The following TSPAN5 variants were observed in gnomAD, a reference collection of about 807,000 sequenced individuals.
The protein encoded by TSPAN5 is tetraspanin 5.
Under a neutral mutation model 37.1 loss-of-function variants are expected in TSPAN5, and 10 were observed. That is an observed-to-expected ratio of 0.27 (90% CI 0.17 to 0.46). The LOEUF (loss-of-function observed/expected upper bound fraction) is 0.46. TSPAN5 is among the 20% of genes least tolerant of loss of function. The pLI is 1.00. For synonymous variants in TSPAN5, 110 were observed against 118.9 expected (o/e 0.93, Z 0.48); for missense variants, 195 against 326.6 (o/e 0.60, Z 3.11).
chr4:98,495,305 G>A (rs1753176650), intron 2 of TSPAN5, among the ~76,000 whole-genome samples: 1 of 152,186 alleles, frequency 6.6e-6, no homozygotes, highest in African/African-American at 2.4e-5. Flanking sequence ...CGAGGCGGGT[G>A]GATCAAGAGG....
intron 1 of TSPAN5, among the ~76,000 whole-genome samples, chr4:98,559,578 T>C (rs1754833149): frequency 6.6e-6 from 1 of 152,200 alleles, no homozygotes; most frequent in African/African-American, 2.4e-5. Context: ...TAGTTACTGA[T>C]TTTCCTTGAA....
At chr4:98,648,882 A>G (rs1231748491) in intron 1 of TSPAN5, among the ~76,000 whole-genome samples, 1 of 152,198 alleles carries the variant, frequency 6.6e-6, no homozygotes, top group African/African-American at 2.4e-5. Flanking sequence ...CAGAAATTCC[A>G]GGACCCCATC....
intron 1 of TSPAN5, among the ~76,000 whole-genome samples, chr4:98,525,629 T>C (rs1336577959): frequency 6.6e-6 from 1 of 152,176 alleles, no homozygotes; most frequent in Non-Finnish European, 1.5e-5. Context: ...CAGGCTGGAG[T>C]GCAGTGGTGA....
intron 1 of TSPAN5, among the ~76,000 whole-genome samples, chr4:98,656,354 G>A (rs1016430061): frequency 1.3e-5 from 2 of 152,282 alleles, no homozygotes; most frequent in African/African-American, 4.8e-5. Context: ...TAGCTAAAAT[G>A]TGCAACTTTT....
intron 1 of TSPAN5, among the ~76,000 whole-genome samples, chr4:98,638,679 G>A (rs923163402): frequency 6.6e-6 from 1 of 152,160 alleles, no homozygotes; most frequent in African/African-American, 2.4e-5. Flanking sequence ...CACATGTTCA[G>A]CTCATCTGGA....
intron 1 of TSPAN5, among the ~76,000 whole-genome samples, chr4:98,594,249 T>A (rs1755714895): frequency 7.6e-6 from 1 of 130,814 alleles, no homozygotes; most frequent in Non-Finnish European, 1.6e-5. Flanking sequence ...TTGTCTGTTG[T>A]TGGTGTATAA....
intron 2 of TSPAN5, among the ~76,000 whole-genome samples, chr4:98,487,259 A>T (rs1442300402): frequency 6.6e-6 from 1 of 151,634 alleles, no homozygotes; most frequent in Non-Finnish European, 1.5e-5. Context: ...AAAAAAGAAA[A>T]GAAGAGCCCA....
At chr4:98,581,566 G>C (rs958442651) in intron 1 of TSPAN5, among the ~76,000 whole-genome samples, 1 of 152,000 alleles carries the variant, frequency 6.6e-6, no homozygotes, top group Non-Finnish European at 1.5e-5. Context: ...TCACAATTAC[G>C]TTATTCCACA....
intron 1 of TSPAN5, among the ~76,000 whole-genome samples, chr4:98,552,344 C>T (rs1754642254): frequency 1.3e-5 from 2 of 152,128 alleles, no homozygotes; most frequent in African/African-American, 4.8e-5. Context: ...TATAAACTTC[C>T]CTCTTAGTAC....
intron 1 of TSPAN5, among the ~76,000 whole-genome samples, chr4:98,589,983 G>A (rs1451809872): frequency 1.3e-5 from 2 of 152,072 alleles, no homozygotes; most frequent in Non-Finnish European, 2.9e-5. Context: ...TTACAGGAAA[G>A]GTGCTACCAA....
At chr4:98,533,543 C>CTTTTTTTT (rs576852948) in intron 1 of TSPAN5, among the ~76,000 whole-genome samples, 1,004 of 58,506 alleles carry the variant, frequency 0.017, 165 homozygotes, top group African/African-American at 0.037. Flanking sequence ...TCCCCTATAT[C>CTTTTTTTT]TTTTTTTTTT....
At chr4:98,498,032 G>C (rs1455128343) in intron 2 of TSPAN5, among the ~76,000 whole-genome samples, 1 of 152,214 alleles carries the variant, frequency 6.6e-6, no homozygotes, top group Non-Finnish European at 1.5e-5. Flanking sequence ...GTCACGTGCT[G>C]TGGAAGCAGC....
chr4:98,579,002 A>G (rs939359927), intron 1 of TSPAN5, among the ~76,000 whole-genome samples: 1 of 152,170 alleles, frequency 6.6e-6, no homozygotes, highest in Admixed American at 6.5e-5. Flanking sequence ...GTGCATTAAA[A>G]CATAGATAAA....
intron 1 of TSPAN5, among the ~76,000 whole-genome samples, chr4:98,592,917 T>A (rs1230674284): frequency 4.2e-5 from 6 of 143,522 alleles, no homozygotes; most frequent in African/African-American, 1.6e-4. Flanking sequence ...TGTGTCTTTA[T>A]AGCAGCATGA....
chr4:98,613,870 C>T (rs182044482), intron 1 of TSPAN5, among the ~76,000 whole-genome samples: 4 of 152,196 alleles, frequency 2.6e-5, no homozygotes, highest in South Asian at 2.1e-4. Context: ...ATTCCCCCCC[C>T]AAAATGACTC....
intron 1 of TSPAN5, among the ~76,000 whole-genome samples, chr4:98,512,191 G>A (rs529543486): frequency 3.9e-5 from 6 of 152,012 alleles, no homozygotes; most frequent in Non-Finnish European, 7.4e-5. Flanking sequence ...ACAGCCTGGC[G>A]ACAGAGCAAG....
At chr4:98,494,998 G>A (rs1753168606) in intron 2 of TSPAN5, among the ~76,000 whole-genome samples, 1 of 152,202 alleles carries the variant, frequency 6.6e-6, no homozygotes, top group Non-Finnish European at 1.5e-5. Flanking sequence ...AAGTGGTGCA[G>A]CAGAGAAGAA....
At chr4:98,523,555 C>T (rs1448117170) in intron 1 of TSPAN5, among the ~76,000 whole-genome samples, 1 of 152,086 alleles carries the variant, frequency 6.6e-6, no homozygotes, top group Non-Finnish European at 1.5e-5. Flanking sequence ...TTGCCTCAGC[C>T]TCTTGAATAG....
intron 1 of TSPAN5, among the ~76,000 whole-genome samples, chr4:98,635,511 T>C (rs190430955): frequency 6.6e-6 from 1 of 152,210 alleles, no homozygotes; most frequent in Non-Finnish European, 1.5e-5. Flanking sequence ...CCATATGACA[T>C]GACAGCTTGT....
Sources: gnomAD v4.1 joint callset for allele counts (sites outside exome capture counted in the v4.1 genomes callset) on GRCh38, gnomAD v4.1.1 for gene constraint, MANE v1.5 for transcripts, NCBI Gene and HGNC (gene_info 2026-07-23, HGNC 2026-07-21) for gene names.